STXBP4: variants seen among roughly 807,000 people sequenced by gnomAD.
STXBP4 encodes syntaxin-binding protein 4.
Under a neutral mutation model 76.1 loss-of-function variants are expected in STXBP4, and 55 were observed. That is an observed-to-expected ratio of 0.72 (90% CI 0.58 to 0.91). The LOEUF (loss-of-function observed/expected upper bound fraction) is 0.91. Among genes scored for constraint, STXBP4 ranks in the 40% least tolerant of loss-of-function variants. The probability of loss-of-function intolerance (pLI) is 0.00; values close to 1 mark genes in which losing one functional copy is unlikely to be tolerated. For synonymous variants in STXBP4, 201 were observed against 220.2 expected (o/e 0.91, Z 0.77); for missense variants, 618 against 636.9 (o/e 0.97, Z 0.32).
rs2080398051 is a variant in STXBP4, at chr17:55,170,108, A to G, written c.*10197A>G. 6.6e-6 allele frequency: 1 copy of G among 152,248 alleles called. No individual in the cohort carries two copies. Among genetic ancestry groups the G allele is most frequent in the Non-Finnish European group, 1.5e-5 (1 of 68,040 alleles). The allele number at this position is 152,248 out of a possible 1,614,324, so 9.4% of individuals were successfully genotyped here. A position where few individuals can be genotyped will look rare whatever the true frequency, so the allele number is the denominator to read the frequency against. ...ATAAATCACCACAAACATTCTGGAA[A>G]GCAGTCTTGGAACATCTATCAAAGG... is the stretch of plus-strand genomic sequence containing the variant. On this transcript the variant is annotated 3_prime_UTR_variant, in exon 18 of 18. Coordinates refer to ENST00000376352, the MANE Select transcript of STXBP4 (RefSeq NM_178509.6).
At chr17:55,036,921 AATTT>A (rs1567730992) in intron 10 of STXBP4, among the ~76,000 whole-genome samples, 1 of 152,134 alleles carries the variant, frequency 6.6e-6, no homozygotes, top group Non-Finnish European at 1.5e-5. Flanking sequence ...ATATATAATT[AATTT>A]ATTGAACAAA....
intron 16 of STXBP4, among the ~76,000 whole-genome samples, chr17:55,095,609 A>C (rs1421371005): frequency 6.6e-6 from 1 of 152,254 alleles, no homozygotes; most frequent in Non-Finnish European, 1.5e-5. Context: ...ACAACAGAGT[A>C]TTAATATTAC....
chr17:55,138,035 C>CTATTTTGTT (rs1431637240), intron 16 of STXBP4, among the ~76,000 whole-genome samples: 3 of 151,956 alleles, frequency 2.0e-5, no homozygotes, highest in African/African-American at 7.2e-5. Flanking sequence ...CACGTTTTGC[C>CTATTTTGTT]TATTTTGTTA....
chr17:55,158,384 C>T (rs1409865044), intron 17 of STXBP4, among the ~76,000 whole-genome samples: 2 of 152,182 alleles, frequency 1.3e-5, no homozygotes, highest in Non-Finnish European at 2.9e-5. Flanking sequence ...GATGCTGCTT[C>T]TGAGGTTGAG....
chr17:55,197,540 A>C, the STXBP4 span, among the ~76,000 whole-genome samples: 93 of 152,310 alleles, frequency 6.1e-4, 1 homozygote, highest in African/African-American at 1.8e-3. Context: ...TCAGTAGAAC[A>C]AGGCCATCCT....
At chr17:55,067,429 T>C (rs1391984468) in intron 12 of STXBP4, among the ~76,000 whole-genome samples, 1 of 152,166 alleles carries the variant, frequency 6.6e-6, no homozygotes, top group African/African-American at 2.4e-5. Context: ...GAAAAATATA[T>C]ATACCTAGAG....
chr17:55,146,527 C>T (rs187926761), intron 17 of STXBP4, among the ~76,000 whole-genome samples: 15 of 151,986 alleles, frequency 9.9e-5, no homozygotes, highest in East Asian at 5.8e-4. Context: ...CTGGCTAACA[C>T]GGTGAAACCC....
At chr17:55,146,450 G>A (rs953775001) in intron 17 of STXBP4, among the ~76,000 whole-genome samples, 1 of 152,130 alleles carries the variant, frequency 6.6e-6, no homozygotes, top group Non-Finnish European at 1.5e-5. Flanking sequence ...GGTGGCTGAC[G>A]CCTGTAATCC....
intron 16 of STXBP4, among the ~76,000 whole-genome samples, chr17:55,084,984 A>C (rs1456098563): frequency 6.6e-6 from 1 of 152,224 alleles, no homozygotes; most frequent in South Asian, 2.1e-4. Context: ...GATAGACTGG[A>C]TTAAGAAAAT....
At chr17:55,055,994 A>G (rs2078918955) in intron 12 of STXBP4, among the ~76,000 whole-genome samples, 1 of 152,186 alleles carries the variant, frequency 6.6e-6, no homozygotes, top group Non-Finnish European at 1.5e-5. Flanking sequence ...GTGAATGGAT[A>G]AAGGGATAAA....
intron 16 of STXBP4, among the ~76,000 whole-genome samples, chr17:55,122,287 G>T (rs993868103): frequency 1.3e-5 from 2 of 152,216 alleles, no homozygotes; most frequent in Non-Finnish European, 2.9e-5. Context: ...ACAGGAGAAT[G>T]TTAAGTGCTG....
chr17:55,208,164 G>A, the STXBP4 span, among the ~76,000 whole-genome samples: 1 of 151,366 alleles, frequency 6.6e-6, no homozygotes. Context: ...GGTCAATTTA[G>A]TCCAAGTTCT....
In STXBP4 at chr17:55,047,137, C is replaced by T. The variant is rs774290064; in HGVS notation, c.994C>T (p.Leu332Phe). 8.7e-6 allele frequency: 14 copies of T among 1,606,212 alleles called. No homozygotes were observed. The highest frequency in any genetic ancestry group is 3.4e-6 in the Non-Finnish European group (4 of 1,174,618). The change falls in exon 12 of 18, where the codon CTC (leucine) becomes TTC (phenylalanine). Residue 332 changes from leucine (L) to phenylalanine (F), a missense_variant. Transcript: ENST00000376352. ...GCAAAGGAAACAATTGACAGAAGAG[C>T]TCCAGAATGTGAAACAAGTAAGTAT... ...DKQRKQLTEE[L>F]QNVKQEAKAV...
At chr17:55,024,710 C>T (rs1046166643) in intron 8 of STXBP4, among the ~76,000 whole-genome samples, 3 of 152,078 alleles carry the variant, frequency 2.0e-5, no homozygotes, top group African/African-American at 7.2e-5. Flanking sequence ...CCTAAATGTT[C>T]ATCAATAAAA....
chr17:54,972,291 C>T (rs2077412299), intron 1 of STXBP4, among the ~76,000 whole-genome samples: 1 of 152,140 alleles, frequency 6.6e-6, no homozygotes, highest in African/African-American at 2.4e-5. Flanking sequence ...ATCATATTTT[C>T]TCCTGCCAGA....
intron 1 of STXBP4, among the ~76,000 whole-genome samples, chr17:54,978,280 G>C (rs2077499374): frequency 6.6e-6 from 1 of 152,092 alleles, no homozygotes; most frequent in South Asian, 2.1e-4. Context: ...AAAGTCATAT[G>C]TCTAGTGGGC....
chr17:55,077,686 C>CGTGTGTGTGTGTGTGT (rs10690646), intron 13 of STXBP4, among the ~76,000 whole-genome samples: 4 of 134,004 alleles, frequency 3.0e-5, no homozygotes, highest in Admixed American at 7.7e-5. Flanking sequence ...TGTCTTACAT[C>CGTGTGTGTGTGTGTGT]GTGTGTGTGT....
At chr17:55,075,034 GTTAT>G (rs1162493479) in intron 13 of STXBP4, among the ~76,000 whole-genome samples, 1 of 151,264 alleles carries the variant, frequency 6.6e-6, no homozygotes, top group Non-Finnish European at 1.5e-5. Flanking sequence ...TTTTCTTTAT[GTTAT>G]TTATTTATTT....
At chr17:55,040,483 C>T (rs1598252378) in intron 10 of STXBP4, among the ~76,000 whole-genome samples, 1 of 152,106 alleles carries the variant, frequency 6.6e-6, no homozygotes, top group Non-Finnish European at 1.5e-5. Context: ...CTGAAGTTAA[C>T]TGTTTTGTAA....
Sources: allele counts gnomAD v4.1 joint callset (sites outside exome capture counted in the v4.1 genomes callset), GRCh38; gene constraint gnomAD v4.1.1; transcripts MANE v1.5; gene names NCBI Gene and HGNC (gene_info 2026-07-23, HGNC 2026-07-21).